The following CSMD1 variants were observed in gnomAD, a reference collection of about 807,000 sequenced individuals.
The protein encoded by CSMD1 is CUB and sushi domain-containing protein 1.
CSMD1 carries 213 observed loss-of-function variants against 417.5 expected under a neutral mutation model. The ratio of observed to expected loss-of-function variants is 0.51; its 90% CI spans 0.46 to 0.57. CSMD1 has a LOEUF of 0.57. Ranked by LOEUF, CSMD1 falls within the 20% of genes least tolerant of loss-of-function variation. The pLI is 0.00. For missense variants in CSMD1, 6,923 were observed against 4,529.7 expected, an observed-to-expected ratio of 1.53 and a Z score of -15.17; for synonymous variants, 2,862 against 1,736.8, an observed-to-expected ratio of 1.65 and a Z score of -16.11.
At chr8:3,320,999 T>C (rs1054374846) in intron 23 of CSMD1, among the ~76,000 whole-genome samples, 2 of 152,130 alleles carry the variant, frequency 1.3e-5, no homozygotes, top group Non-Finnish European at 2.9e-5. Context: ...GAGTTCCATC[T>C]CTTCCCCAAA....
chr8:4,145,339 C>G (rs1804046560), intron 3 of CSMD1, among the ~76,000 whole-genome samples: 2 of 150,958 alleles, frequency 1.3e-5, no homozygotes, highest in South Asian at 4.2e-4. Flanking sequence ...AAAAAATGAT[C>G]CAATATGTCA....
chr8:3,656,288 G>C (rs540987454), intron 7 of CSMD1, among the ~76,000 whole-genome samples: 36 of 152,176 alleles, frequency 2.4e-4, no homozygotes, highest in Non-Finnish European at 4.9e-4. Flanking sequence ...ACTCAACACA[G>C]AAATACTCTC....
At chr8:3,520,039 T>TATGTATATATAC in intron 10 of CSMD1, among the ~76,000 whole-genome samples, 2 of 147,184 alleles carry the variant, frequency 1.4e-5, no homozygotes, top group Admixed American at 6.8e-5. Context: ...TATATATATA[T>TATGTATATATAC]ACACGTATAG....
chr8:3,025,136 T>C (rs976936541), intron 51 of CSMD1, among the ~76,000 whole-genome samples: 7 of 150,884 alleles, frequency 4.6e-5, no homozygotes, highest in Non-Finnish European at 7.4e-5. Context: ...CTGTGTATTG[T>C]GTGGTGTTAT....
At chr8:3,449,220 T>C (rs1016367850) in intron 12 of CSMD1, among the ~76,000 whole-genome samples, 1 of 152,218 alleles carries the variant, frequency 6.6e-6, no homozygotes, top group Non-Finnish European at 1.5e-5. Context: ...AGCATAAACC[T>C]GAAGAATTGT....
intron 28 of CSMD1, among the ~76,000 whole-genome samples, chr8:3,222,095 G>C (rs1473151571): frequency 1.3e-5 from 2 of 151,982 alleles, no homozygotes; most frequent in Admixed American, 1.3e-4. Flanking sequence ...GAAGTCACTG[G>C]TTTTCACTGA....
intron 5 of CSMD1, among the ~76,000 whole-genome samples, chr8:3,771,858 T>A (rs938534441): frequency 6.6e-6 from 1 of 152,078 alleles, no homozygotes; most frequent in Non-Finnish European, 1.5e-5. Flanking sequence ...GTCCTTGCTT[T>A]GCCCACTTTT....
intron 1 of CSMD1, among the ~76,000 whole-genome samples, chr8:4,925,333 C>G (rs1806784470): frequency 7.4e-6 from 1 of 135,074 alleles, no homozygotes; most frequent in Non-Finnish European, 1.5e-5. Flanking sequence ...TTGACGGGGT[C>G]ATGTGTTGTC....
chr8:4,938,466 T>C (rs1292859856), intron 1 of CSMD1, among the ~76,000 whole-genome samples: 1 of 152,120 alleles, frequency 6.6e-6, no homozygotes, highest in East Asian at 1.9e-4. Context: ...AAGACAAACA[T>C]TTTCACAAAT....
intron 1 of CSMD1, among the ~76,000 whole-genome samples, chr8:4,963,267 C>A (rs926555147): frequency 1.3e-5 from 2 of 152,166 alleles, no homozygotes; most frequent in Non-Finnish European, 2.9e-5. Context: ...GTGGTGCAAT[C>A]TTGACTCACT....
intron 1 of CSMD1, among the ~76,000 whole-genome samples, chr8:4,732,571 C>G (rs781073914): frequency 1.1e-4 from 17 of 152,244 alleles, no homozygotes; most frequent in Non-Finnish European, 2.1e-4. Flanking sequence ...GGAAAGCAAC[C>G]TGTCAGAGAA....
chr8:3,564,430 G>C (rs1799607184), intron 10 of CSMD1, among the ~76,000 whole-genome samples: 1 of 151,972 alleles, frequency 6.6e-6, no homozygotes, highest in Non-Finnish European at 1.5e-5. Flanking sequence ...GTCTACAGCT[G>C]TGCTGTTATT....
intron 5 of CSMD1, among the ~76,000 whole-genome samples, chr8:3,826,651 G>A (rs750429218): frequency 6.6e-6 from 1 of 152,162 alleles, no homozygotes; most frequent in African/African-American, 2.4e-5. Context: ...CTGTTTATCT[G>A]CAGCTCGGGC....
At chr8:3,454,333 G>T (rs1311327290) in intron 12 of CSMD1, among the ~76,000 whole-genome samples, 2 of 152,180 alleles carry the variant, frequency 1.3e-5, no homozygotes, top group Non-Finnish European at 2.9e-5. Flanking sequence ...ATATTGTTAT[G>T]TGTGAATTTG....
At position 3,798,709 on chromosome 8, in the gene CSMD1, T is replaced by A. The variant is rs994444269; in HGVS notation, c.819-44667A>T. ...AAGTGTATATACACATGTACAAACA[T>A]AACTGTATGTATACATATACAAAAA... On this transcript the variant is annotated intron_variant, in intron 5 of 69. Coordinates refer to ENST00000635120, the MANE Select transcript of CSMD1 (RefSeq NM_033225.6). Among the ~76,000 whole-genome samples, 3 of 152,116 alleles carry A rather than the reference T, an allele frequency of 2.0e-5. No homozygotes were observed. The South Asian group carries it at 6.2e-4, about 32-fold the overall frequency.
chr8:3,920,761 G>C (rs1809190565), intron 5 of CSMD1, among the ~76,000 whole-genome samples: 1 of 137,310 alleles, frequency 7.3e-6, no homozygotes, highest in East Asian at 2.2e-4. Context: ...TTTGTTAGTG[G>C]GGTATATCCA....
At chr8:4,293,786 G>A (rs572472406) in intron 3 of CSMD1, among the ~76,000 whole-genome samples, 54 of 152,206 alleles carry the variant, frequency 3.5e-4, no homozygotes, top group Admixed American at 1.6e-3. Context: ...ATAAAACAAG[G>A]AACATTGAAG....
intron 40 of CSMD1, among the ~76,000 whole-genome samples, chr8:3,147,735 C>G (rs1184392163): frequency 6.6e-6 from 1 of 152,184 alleles, no homozygotes; most frequent in Admixed American, 6.5e-5. Flanking sequence ...TTTCCCATAA[C>G]GTCTGTTTCT....
At chr8:4,288,154 G>C (rs1442858765) in intron 3 of CSMD1, among the ~76,000 whole-genome samples, 2 of 152,088 alleles carry the variant, frequency 1.3e-5, no homozygotes, top group Non-Finnish European at 2.9e-5. Context: ...ACTGAGAAAA[G>C]AAAACACTAG....
Sources: allele counts gnomAD v4.1 joint callset (sites outside exome capture counted in the v4.1 genomes callset), GRCh38; gene constraint gnomAD v4.1.1; transcripts MANE v1.5; gene names NCBI Gene and HGNC (gene_info 2026-07-23, HGNC 2026-07-21).